RHBDD1: variants seen among roughly 807,000 people sequenced by gnomAD.
The protein encoded by RHBDD1 is rhomboid domain containing 1.
Under a neutral mutation model 36.3 loss-of-function variants are expected in RHBDD1, and 38 were observed. That is an observed-to-expected ratio of 1.05 (90% CI 0.81 to 1.37). The LOEUF (loss-of-function observed/expected upper bound fraction) is 1.37, where lower values mean the gene tolerates loss of function less well. Ranked by LOEUF, RHBDD1 falls within the 40% of genes most tolerant of loss-of-function variation. The pLI is 0.00. For missense variants in RHBDD1, 393 were observed against 377.6 expected, an observed-to-expected ratio of 1.04 and a Z score of -0.34; for synonymous variants, 151 against 136.5, an observed-to-expected ratio of 1.11 and a Z score of -0.74.
intron 5 of RHBDD1, among the ~76,000 whole-genome samples, chr2:226,892,366 G>A (rs376783650): frequency 6.6e-6 from 1 of 152,224 alleles, no homozygotes; most frequent in East Asian, 1.9e-4. Context: ...GAAATTATGG[G>A]CTAACTTTGC....
At chr2:226,978,060 C>CTA (rs531583333) in intron 8 of RHBDD1, among the ~76,000 whole-genome samples, 253 of 152,256 alleles carry the variant, frequency 1.7e-3, no homozygotes, top group African/African-American at 6.0e-3. Context: ...CTCACTGGAG[C>CTA]TTGTACTGCC....
intron 5 of RHBDD1, among the ~76,000 whole-genome samples, chr2:226,892,681 G>A (rs908448602): frequency 2.0e-5 from 3 of 152,170 alleles, no homozygotes; most frequent in Admixed American, 1.3e-4. Context: ...TTTGTGAGGT[G>A]TAGTCTTGCC....
intron 8 of RHBDD1, among the ~76,000 whole-genome samples, chr2:226,945,770 A>G (rs1199595155): frequency 1.3e-5 from 2 of 152,156 alleles, no homozygotes; most frequent in Non-Finnish European, 2.9e-5. Context: ...TTACACTCCC[A>G]CCAACAGTGT....
chr2:226,809,473 G>A, the RHBDD1 span, among the ~76,000 whole-genome samples: 4 of 152,144 alleles, frequency 2.6e-5, no homozygotes, highest in Non-Finnish European at 5.9e-5. Flanking sequence ...GGATAATTAT[G>A]GCAACATATT....
rs540313973 is a variant in RHBDD1 at position 226,944,507 on chromosome 2, G to A, written c.856+30156G>A. On this transcript the variant is annotated intron_variant, in intron 8 of 8. Coordinates refer to ENST00000392062, the MANE Select transcript of RHBDD1 (RefSeq NM_001167608.3). ...CAGGAGCACTCTCCTTAAAAATGCC[G>A]AGACTTGTGTTCTGAAAAGCGTGTC... 1.1e-4 allele frequency among the ~76,000 whole-genome samples: 16 copies of A among 152,260 alleles called. No homozygotes were observed. The East Asian group carries it at 2.5e-3, about 24-fold the overall frequency.
the RHBDD1 span, among the ~76,000 whole-genome samples, chr2:226,819,585 T>C: frequency 2.6e-5 from 4 of 152,264 alleles, no homozygotes; most frequent in South Asian, 8.3e-4. Flanking sequence ...AGGGGGTGTA[T>C]GGGGAATCTC....
At chr2:226,877,583 T>G (rs1418020493) in intron 5 of RHBDD1, among the ~76,000 whole-genome samples, 2 of 151,342 alleles carry the variant, frequency 1.3e-5, no homozygotes, top group African/African-American at 4.9e-5. Context: ...CCATAGTTCA[T>G]TAGTTTTTCT....
At chr2:226,806,391 C>T in the RHBDD1 span, among the ~76,000 whole-genome samples, 1 of 152,194 alleles carries the variant, frequency 6.6e-6, no homozygotes, top group East Asian at 1.9e-4. Flanking sequence ...GTAGTTCCCC[C>T]ATTTCCCATT....
chr2:226,847,526 A>G (rs1413390156), intron 3 of RHBDD1, among the ~76,000 whole-genome samples: 2 of 152,254 alleles, frequency 1.3e-5, no homozygotes, highest in Non-Finnish European at 2.9e-5. Context: ...GAAAGAAAAC[A>G]GCAAACCCAA....
the RHBDD1 span, among the ~76,000 whole-genome samples, chr2:226,813,280 A>C: frequency 1.3e-5 from 2 of 152,166 alleles, no homozygotes; most frequent in Non-Finnish European, 2.9e-5. Context: ...TCTTAAACTG[A>C]TTATCAAGGT....
At chr2:226,934,798 T>G (rs567527851) in intron 8 of RHBDD1, among the ~76,000 whole-genome samples, 2 of 152,126 alleles carry the variant, frequency 1.3e-5, no homozygotes, top group African/African-American at 4.8e-5. Flanking sequence ...GAACATTAGC[T>G]CCTTGCATTT....
chr2:226,826,346 T>C, the RHBDD1 span, among the ~76,000 whole-genome samples: 1 of 152,240 alleles, frequency 6.6e-6, no homozygotes, highest in East Asian at 1.9e-4. Flanking sequence ...TTCCGTTAGA[T>C]TAATTGAGAG....
At chr2:226,857,591 G>T (rs777510526) in intron 3 of RHBDD1, among the ~76,000 whole-genome samples, 8 of 152,108 alleles carry the variant, frequency 5.3e-5, no homozygotes, top group Non-Finnish European at 1.0e-4. Context: ...AATACTATTT[G>T]ACCATAAAAA....
intron 8 of RHBDD1, among the ~76,000 whole-genome samples, chr2:226,938,088 A>T (rs776839349): frequency 6.6e-6 from 1 of 152,170 alleles, no homozygotes; most frequent in Non-Finnish European, 1.5e-5. Flanking sequence ...TTTTCTCCAC[A>T]ATCTCGCCGG....
intron 8 of RHBDD1, among the ~76,000 whole-genome samples, chr2:226,956,815 A>T (rs886320422): frequency 1.3e-5 from 2 of 152,216 alleles, no homozygotes; most frequent in African/African-American, 4.8e-5. Flanking sequence ...CAGAGGGATC[A>T]TGGTGTCATT....
upstream of RHBDD1, among the ~76,000 whole-genome samples, chr2:226,834,520 C>G (rs910368178): frequency 1.3e-5 from 2 of 152,202 alleles, no homozygotes; most frequent in Non-Finnish European, 2.9e-5. Context: ...CATATGTACA[C>G]CCACACCTAT....
the RHBDD1 span, among the ~76,000 whole-genome samples, chr2:226,800,482 C>A: frequency 6.6e-6 from 1 of 152,132 alleles, no homozygotes; most frequent in African/African-American, 2.4e-5. Flanking sequence ...GAACAGGGAT[C>A]CCCAGGAAGT....
chr2:226,936,795 G>T (rs1445871683), intron 8 of RHBDD1, among the ~76,000 whole-genome samples: 2 of 152,080 alleles, frequency 1.3e-5, no homozygotes, highest in Non-Finnish European at 2.9e-5. Flanking sequence ...GTAGGCTATA[G>T]AAATGAATAA....
intron 3 of RHBDD1, among the ~76,000 whole-genome samples, chr2:226,855,014 C>T (rs925535573): frequency 1.3e-4 from 20 of 152,216 alleles, no homozygotes; most frequent in Admixed American, 1.2e-3. Context: ...ATTTAGTGGT[C>T]TTAAATCCCA....
Sources: allele counts gnomAD v4.1 joint callset (sites outside exome capture counted in the v4.1 genomes callset), GRCh38; gene constraint gnomAD v4.1.1; transcripts MANE v1.5; gene names NCBI Gene and HGNC (gene_info 2026-07-23, HGNC 2026-07-21).